The following RPS6KA4 variants were observed in gnomAD, a reference collection of about 807,000 sequenced individuals.
RPS6KA4 encodes ribosomal protein S6 kinase alpha-4.
RPS6KA4 carries 38 observed loss-of-function variants against 89.6 expected under a neutral mutation model. That is an observed-to-expected ratio of 0.42 (90% CI 0.33 to 0.56). The LOEUF (loss-of-function observed/expected upper bound fraction) is 0.56. Among genes scored for constraint, RPS6KA4 ranks in the 20% least tolerant of loss-of-function variants. RPS6KA4 has a pLI of 0.07. For missense variants in RPS6KA4, 873 were observed against 1,098.8 expected, an observed-to-expected ratio of 0.79 and a Z score of 2.90; for synonymous variants, 495 against 492.8, an observed-to-expected ratio of 1.00 and a Z score of -0.06.
intron 9 of RPS6KA4, among the ~76,000 whole-genome samples, chr11:64,366,033 C>T (rs900749167): frequency 5.4e-5 from 8 of 148,312 alleles, no homozygotes; most frequent in Non-Finnish European, 8.9e-5. Flanking sequence ...AGTGAAACTC[C>T]GTCTCAAAAA....
At position 64,361,392 on chromosome 11, in the gene RPS6KA4, G is replaced by A. The variant is rs1345940447; in HGVS notation, c.571-77G>A. 144 of 1,550,448 alleles carry A rather than the reference G, an allele frequency of 9.3e-5. No homozygotes were observed. The highest frequency in any genetic ancestry group is 1.2e-4 in the Non-Finnish European group (138 of 1,126,696). On this transcript the variant is annotated intron_variant, in intron 5 of 16. Transcript: ENST00000334205. This position sits in a 1 kb window ranked among gnomAD's most constrained non-coding sequence, Gnocchi z 4.7. ...CTCTCCAACCTCACAAGTTGAGCGAGTCTTACTCTGGGCCTTGTGGGGCAC... is the reference window on the plus strand; with the variant it reads ...CTCTCCAACCTCACAAGTTGAGCGAATCTTACTCTGGGCCTTGTGGGGCAC...
Position 64,368,768 on chromosome 11 carries a change from G to C in RPS6KA4, c.1399G>C (p.Val467Leu). Reference protein sequence around the residue: ...LRLCQSHPNVVNLHEVHHDQL... With the variant: ...LRLCQSHPNVLNLHEVHHDQL... ...CCTGTGCCAGTCACACCCCAACGTG[G>C]TGAATCTGCACGAGGTGCATCACGA... Residue 467 changes from valine to leucine, a missense_variant, in exon 12 of 17, where the codon GTG becomes CTG. Around this residue, in one of 4 missense-constraint regions of RPS6KA4, gnomAD observed 542 missense variants for 736.4 expected, o/e 0.74. Transcript: ENST00000334205. 1 of 1,572,440 alleles carries C rather than the reference G, an allele frequency of 6.4e-7. No homozygotes were observed. Among genetic ancestry groups the C allele is most frequent in the Non-Finnish European group, 8.6e-7 (1 of 1,159,074 alleles).
In RPS6KA4 at chr11:64,370,582, C is replaced by T. The variant is rs185033194; in HGVS notation, c.1977C>T (p.Pro659=). Residue 659 remains proline, a synonymous_variant, in exon 16 of 17, where the codon CCC becomes CCT. Coordinates refer to ENST00000334205, the MANE Select transcript of RPS6KA4 (RefSeq NM_003942.3). The surrounding 1 kb of genome is among the most constrained non-coding windows in gnomAD (Gnocchi z 4.1). ...CTCCAGGGCTCCTGACCGTGGACCC[C>T]GCCAAGCGGCTGAAGCTCGAGGGAC... ...ELVRGLLTVD[P]AKRLKLEGLR... 207 of 1,592,198 alleles carry T rather than the reference C, an allele frequency of 1.3e-4. No individual in the cohort carries two copies. The African/African-American group carries it at 2.4e-3, about 19-fold the overall frequency.
intron 4 of RPS6KA4, 73 bp downstream of exon 4, chr11:64,360,665 G>T: frequency 7.7e-7 from 1 of 1,304,788 alleles, no homozygotes. Context: ...CTGCACGCAG[G>T]GCAGCCTCAG....
intron 10 of RPS6KA4, 34 bp from the exon 11 acceptor site, chr11:64,368,434 C>CTGCCTT: frequency 3.9e-6 from 6 of 1,544,440 alleles, no homozygotes; most frequent in Non-Finnish European, 5.2e-6. Context: ...CTCTGACGCG[C>CTGCCTT]CGCCTTCGCC....
chr11:64,368,342 G>A, intron 10 of RPS6KA4, 82 bp downstream of exon 10: 1 of 1,558,428 alleles, frequency 6.4e-7, no homozygotes, highest in Non-Finnish European at 8.7e-7. Context: ...AGATCCAACT[G>A]GCGCCCGCAG....
At position 64,368,601 on chromosome 11, in the gene RPS6KA4, G is replaced by A; in HGVS notation, c.1334G>A (p.Arg445Lys). 1.3e-6 allele frequency: 2 copies of A among 1,599,268 alleles called. No individual in the cohort carries two copies. The highest frequency in any genetic ancestry group is 1.7e-6 in the Non-Finnish European group (2 of 1,175,252). ...TTCGCAGTCAAGATCCTCAGTCGCA[G>A]GTGGGAGGGCCCAGGCGCGGGCAGG... The part of the protein sequence containing the change: ...QEFAVKILSR[R>K]LEANTQREVA... The change falls in exon 11 of 17, where the codon AGG becomes AAG. Residue 445 changes from arginine to lysine, a missense_variant and splice_region_variant. By Grantham distance (26) the Arg-to-Lys change is conservative (BLOSUM62 2). Transcript: ENST00000334205.
rs1191622451 is a variant in RPS6KA4, at chr11:64,361,993, C to T, written c.897C>T (p.Pro299=). ...PQGAQEVRNH[P]FFQGLDWVAL... is the part of the protein sequence containing the mutation. ...GGGCACAAGAAGTCCGGAACCATCC[C>T]TTCTTCCAGGTGAGGCTGACTCAGG... is the stretch of plus-strand genomic sequence containing the variant. The change falls in exon 8 of 17, where the codon CCC becomes CCT. Residue 299 remains proline, a synonymous_variant. Transcript: ENST00000334205. This position sits in a 1 kb window ranked among gnomAD's most constrained non-coding sequence, Gnocchi z 4.7. 1.9e-6 allele frequency: 3 copies of T among 1,609,306 alleles called. No homozygotes were observed. Among genetic ancestry groups the T allele is most frequent in the Non-Finnish European group, 2.5e-6 (3 of 1,178,606 alleles).
chr11:64,361,268 G>A lies in RPS6KA4; in HGVS notation c.570+27G>A, dbSNP rs755060402. 4 of 1,589,048 alleles carry A rather than the reference G, an allele frequency of 2.5e-6. No individual in the cohort carries two copies. The highest frequency in any genetic ancestry group is 4.5e-5 in the East Asian group (2 of 44,772). ...TGAGTGGAGGCCACCTCTGCCTGCAGTGCCCCATTCAATCCTTCTCCTTCC... is the reference window on the plus strand; with the variant it reads ...TGAGTGGAGGCCACCTCTGCCTGCAATGCCCCATTCAATCCTTCTCCTTCC... On this transcript the variant is annotated intron_variant, in intron 5 of 16. Transcript: ENST00000334205. This position sits in a 1 kb window ranked among gnomAD's most constrained non-coding sequence, Gnocchi z 4.7.
chr11:64,362,089 A>G, intron 8 of RPS6KA4, 87 bp downstream of exon 8: 1 of 1,459,406 alleles, frequency 6.9e-7, no homozygotes. Context: ...GGCCAGTTTC[A>G]CTTTATTTGG....
intron 8 of RPS6KA4, among the ~76,000 whole-genome samples, chr11:64,362,860 G>A (rs1417050992): frequency 6.6e-6 from 1 of 152,018 alleles, no homozygotes; most frequent in Non-Finnish European, 1.5e-5. Context: ...TAGTAGAAAC[G>A]GGGTTTCACC....
chr11:64,363,364 G>T (rs573480899), intron 8 of RPS6KA4, among the ~76,000 whole-genome samples: 1 of 152,254 alleles, frequency 6.6e-6, no homozygotes, highest in South Asian at 2.1e-4. Flanking sequence ...AGTGAATTCC[G>T]TAAGCCCACC....
intron 2 of RPS6KA4, 194 bp downstream of exon 2, chr11:64,359,643 C>T: frequency 3.3e-6 from 2 of 609,044 alleles, no homozygotes; most frequent in Non-Finnish European, 5.8e-6. Flanking sequence ...TGACATCACT[C>T]CTCCCTCCAC....
At position 64,370,749 on chromosome 11, in the gene RPS6KA4, G is replaced by A; in HGVS notation, c.2121+23G>A. 6.6e-7 allele frequency: 1 copy of A among 1,506,342 alleles called. No individual in the cohort carries two copies. The highest frequency in any genetic ancestry group is 8.9e-7 in the Non-Finnish European group (1 of 1,127,232). 93.3% of individuals were successfully genotyped at this position (1,506,342 alleles called of 1,614,324 possible). ...ATGGTAAGGGGCAGGGTCTGTTGAA[G>A]GGAAGGGGTGGGCGAAGCCTCGAGA... is the stretch of plus-strand genomic sequence containing the variant. On this transcript the variant is annotated intron_variant, in intron 16 of 16. Transcript: ENST00000334205. The surrounding 1 kb of genome is among the most constrained non-coding windows in gnomAD (Gnocchi z 4.1).
intron 9 of RPS6KA4, among the ~76,000 whole-genome samples, chr11:64,366,157 C>A (rs2036877075): frequency 1.4e-5 from 2 of 144,006 alleles, no homozygotes; most frequent in African/African-American, 2.5e-5. Flanking sequence ...AGGGTCAGGT[C>A]CCCTCCACCG....
intron 4 of RPS6KA4, 77 bp downstream of exon 4, chr11:64,360,669 G>A: frequency 7.7e-7 from 1 of 1,302,916 alleles, no homozygotes; most frequent in South Asian, 1.3e-5. Flanking sequence ...ACGCAGGGCA[G>A]CCTCAGGCTT....
chr11:64,368,121 C>T lies in RPS6KA4; in HGVS notation c.1072-11C>T. 6.2e-7 allele frequency: 1 copy of T among 1,613,086 alleles called. No homozygotes were observed. The highest frequency in any genetic ancestry group is 8.5e-7 in the Non-Finnish European group (1 of 1,179,706). Reference sequence around the variant, plus strand: ...ATGCCCATGCCCATTCCCCGGACTCCCGCCCTGCAGGGATACTCCTTTGTG... The same window carrying T: ...ATGCCCATGCCCATTCCCCGGACTCTCGCCCTGCAGGGATACTCCTTTGTG... On this transcript the variant is annotated splice_polypyrimidine_tract_variant and intron_variant, in intron 9 of 16. Coordinates refer to ENST00000334205, the MANE Select transcript of RPS6KA4 (RefSeq NM_003942.3).
intron 3 of RPS6KA4, 36 bp from the exon 4 acceptor site, chr11:64,360,441 A>T: frequency 6.3e-7 from 1 of 1,594,860 alleles, no homozygotes; most frequent in East Asian, 2.3e-5. Context: ...AGGCCACCTG[A>T]CGGGGCTGCT....
At chr11:64,369,334 G>C in intron 12 of RPS6KA4, 112 bp from the exon 13 acceptor site, 2 of 1,144,260 alleles carry the variant, frequency 1.7e-6, no homozygotes, top group East Asian at 5.4e-5. Context: ...ACTTTGAGGA[G>C]GGGGTTCTCG....
Sources: allele counts gnomAD v4.1 joint callset (sites outside exome capture counted in the v4.1 genomes callset), GRCh38; gene constraint gnomAD v4.1.1; regional missense constraint gnomAD v4.1.1; non-coding constraint Gnocchi (gnomAD v3.1); transcripts MANE v1.5; gene names NCBI Gene and HGNC (gene_info 2026-07-23, HGNC 2026-07-21).